The following SPEF2 variants were observed in gnomAD, a reference collection of about 807,000 sequenced individuals.
The protein encoded by SPEF2 is sperm flagella and cilia-associated protein 2.
SPEF2 carries 187 observed loss-of-function variants against 224.6 expected under a neutral mutation model. The ratio of observed to expected loss-of-function variants is 0.83; its 90% CI spans 0.74 to 0.94. SPEF2 has a LOEUF of 0.94. Ranked by LOEUF, SPEF2 falls within the 40% of genes least tolerant of loss-of-function variation. The probability of loss-of-function intolerance (pLI) is 0.00; values close to 1 mark genes in which losing one functional copy is unlikely to be tolerated. For missense variants in SPEF2, 2,170 were observed against 2,135.6 expected (o/e 1.02, Z -0.32); for synonymous variants, 715 against 707.3 (o/e 1.01, Z -0.17).
At chr5:35,640,377 C>G (rs78793178) in intron 2 of SPEF2, among the ~76,000 whole-genome samples, 23 of 152,266 alleles carry the variant, frequency 1.5e-4, no homozygotes, top group Non-Finnish European at 3.2e-4. Context: ...GAAAGGACGA[C>G]TGTGATGGAA....
chr5:35,792,514 C>A (rs1756108897), intron 31 of SPEF2, 68 bp downstream of exon 31: 2 of 1,288,154 alleles, frequency 1.6e-6, no homozygotes, highest in Non-Finnish European at 2.2e-6. Flanking sequence ...ATCAATAGTT[C>A]TAAAATAATG....
intron 18 of SPEF2, 49 bp from the exon 19 acceptor site, chr5:35,708,899 A>T (rs1241230251): frequency 6.8e-7 from 1 of 1,478,966 alleles, no homozygotes; most frequent in African/African-American, 1.4e-5. Flanking sequence ...GTGAAATAGT[A>T]GATTTCTAGA....
chr5:35,764,330 A>C (rs2149762046), intron 26 of SPEF2, among the ~76,000 whole-genome samples: 1 of 152,186 alleles, frequency 6.6e-6, no homozygotes, highest in South Asian at 2.1e-4. Flanking sequence ...AGAAAGGCTA[A>C]GAAACTTGCC....
At chr5:35,688,243 TC>T (rs761715957) in intron 10 of SPEF2, among the ~76,000 whole-genome samples, 33,367 of 151,750 alleles carry the variant, frequency 0.22, 5,182 homozygotes, top group African/African-American at 0.43. Context: ...CAGTGCTGCT[TC>T]TTTCTTTTTC....
chr5:35,644,180 T>C (rs1352850428), intron 3 of SPEF2, among the ~76,000 whole-genome samples, 175 bp from the exon 4 acceptor site: 1 of 152,172 alleles, frequency 6.6e-6, no homozygotes, highest in Non-Finnish European at 1.5e-5. Flanking sequence ...GTTTTTATAA[T>C]TGTGCTTACA....
intron 14 of SPEF2, 30 bp downstream of exon 14, chr5:35,695,826 A>T: frequency 6.7e-7 from 1 of 1,500,736 alleles, no homozygotes; most frequent in Non-Finnish European, 9.2e-7. Flanking sequence ...TTTAGCTACT[A>T]ACATATTAAA....
chr5:35,783,068 A>G (rs1453958577), intron 30 of SPEF2, among the ~76,000 whole-genome samples: 3 of 152,252 alleles, frequency 2.0e-5, no homozygotes, highest in African/African-American at 7.2e-5. Flanking sequence ...AGTAAAAGAA[A>G]GCAAACCATT....
intron 21 of SPEF2, among the ~76,000 whole-genome samples, chr5:35,729,827 C>T (rs1472776641): frequency 6.6e-6 from 1 of 152,114 alleles, no homozygotes; most frequent in Non-Finnish European, 1.5e-5. Flanking sequence ...ATCTGATGGG[C>T]TTAACAGGGG....
At chr5:35,661,003 T>G (rs551393321) in intron 8 of SPEF2, among the ~76,000 whole-genome samples, 1 of 152,088 alleles carries the variant, frequency 6.6e-6, no homozygotes, top group East Asian at 1.9e-4. Flanking sequence ...CATCTCTCCC[T>G]TAGAGATGGT....
intron 34 of SPEF2, among the ~76,000 whole-genome samples, chr5:35,800,396 T>C (rs1757262438): frequency 6.6e-6 from 1 of 152,190 alleles, no homozygotes; most frequent in African/African-American, 2.4e-5. Flanking sequence ...AATCAAACTT[T>C]ACTCTATAAA....
At chr5:35,665,574 T>C (rs973900640) in intron 8 of SPEF2, among the ~76,000 whole-genome samples, 5 of 152,082 alleles carry the variant, frequency 3.3e-5, no homozygotes, top group African/African-American at 9.7e-5. Flanking sequence ...AGGTTTTTTT[T>C]CCTCACATCC....
At chr5:35,647,574 C>T (rs1379000599) in intron 5 of SPEF2, among the ~76,000 whole-genome samples, 1 of 152,090 alleles carries the variant, frequency 6.6e-6, no homozygotes, top group Non-Finnish European at 1.5e-5. Flanking sequence ...ACCGCCATGA[C>T]CCGGACACCT....
intron 25 of SPEF2, among the ~76,000 whole-genome samples, chr5:35,761,578 C>T (rs1439016796): frequency 6.6e-6 from 1 of 152,054 alleles, no homozygotes; most frequent in Admixed American, 6.6e-5. Flanking sequence ...CTGTCAGGCC[C>T]GTGTGTACAC....
intron 10 of SPEF2, chr5:35,670,859 A>G (rs1751143083): frequency 1.0e-6 from 1 of 984,262 alleles, no homozygotes; most frequent in Non-Finnish European, 1.2e-6. Flanking sequence ...AATTAATGGA[A>G]AGGGAATGCT....
rs1054562993 is a variant in SPEF2 at position 35,753,885 on chromosome 5, T to G, written c.3468+124T>G. 3.4e-6 allele frequency: 4 copies of G among 1,178,068 alleles called. No homozygotes were observed. The African/African-American group carries it at 4.6e-5, about 13-fold the overall frequency. The allele number at this position is 1,178,068 out of a possible 1,614,324, so 73.0% of individuals were successfully genotyped here. A position where few individuals can be genotyped will look rare whatever the true frequency, so the allele number is the denominator to read the frequency against. ...CAGGGCTCATTTTGGTATAGCACTA[T>G]GCCTGGTATGAGCTCCAACTCACCA... On this transcript the variant is annotated intron_variant, in intron 24 of 36. Coordinates refer to ENST00000356031, the MANE Select transcript of SPEF2 (RefSeq NM_024867.4).
chr5:35,623,260 C>T (rs1743776384), intron 1 of SPEF2, among the ~76,000 whole-genome samples: 1 of 152,176 alleles, frequency 6.6e-6, no homozygotes, highest in African/African-American at 2.4e-5. Flanking sequence ...AACACCACAG[C>T]CTGATAGGGC....
At chr5:35,813,135 T>A (rs983657953) in intron 36 of SPEF2, among the ~76,000 whole-genome samples, 3 of 152,202 alleles carry the variant, frequency 2.0e-5, no homozygotes, top group African/African-American at 7.2e-5. Context: ...TCAAATTAAC[T>A]TTTGATAATA....
chr5:35,783,866 G>A (rs1754692828), intron 30 of SPEF2, among the ~76,000 whole-genome samples: 2 of 152,166 alleles, frequency 1.3e-5, no homozygotes, highest in Admixed American at 6.5e-5. Context: ...AGAATACTTA[G>A]CAATGTTCCT....
intron 33 of SPEF2, among the ~76,000 whole-genome samples, chr5:35,796,648 A>G (rs1756713349): frequency 6.6e-6 from 1 of 152,048 alleles, no homozygotes; most frequent in South Asian, 2.1e-4. Flanking sequence ...TGACCTCAGT[A>G]AGACATGAAA....
Sources: allele counts gnomAD v4.1 joint callset (sites outside exome capture counted in the v4.1 genomes callset), GRCh38; gene constraint gnomAD v4.1.1; transcripts MANE v1.5; gene names NCBI Gene and HGNC (gene_info 2026-07-23, HGNC 2026-07-21).